The following WDR72 variants were observed in gnomAD, a reference collection of about 807,000 sequenced individuals.
The protein encoded by WDR72 is WD repeat domain 72.
A neutral mutation model predicts 124.2 loss-of-function variants in WDR72; 120 were observed. That is an observed-to-expected ratio of 0.97 (90% CI 0.83 to 1.12). The LOEUF is 1.12. WDR72 is among the 50% of genes most tolerant of loss of function. WDR72 has a pLI of 0.00. For synonymous variants in WDR72, 452 were observed against 441.7 expected, an observed-to-expected ratio of 1.02 and a Z score of -0.29; for missense variants, 1,387 against 1,278.8, an observed-to-expected ratio of 1.08 and a Z score of -1.29.
chr15:53,686,869 C>A (rs545467914), intron 13 of WDR72, among the ~76,000 whole-genome samples: 6 of 151,724 alleles, frequency 4.0e-5, no homozygotes, highest in Non-Finnish European at 8.8e-5. Context: ...GTCTCTCAGA[C>A]CACAGTGCAA....
chr15:53,712,134 C>T (rs1168370028), intron 7 of WDR72, among the ~76,000 whole-genome samples: 1 of 152,060 alleles, frequency 6.6e-6, no homozygotes, highest in Non-Finnish European at 1.5e-5. Flanking sequence ...AATGTAAACA[C>T]CAAATTTTGA....
chr15:53,602,457 C>G (rs571150560), intron 17 of WDR72, among the ~76,000 whole-genome samples: 14 of 151,714 alleles, frequency 9.2e-5, no homozygotes, highest in Non-Finnish European at 1.8e-4. Flanking sequence ...AATCCCAAAG[C>G]CAGCAGAAGA....
chr15:53,618,748 T>A (rs2013868388), intron 14 of WDR72, among the ~76,000 whole-genome samples: 1 of 152,030 alleles, frequency 6.6e-6, no homozygotes, highest in Admixed American at 6.6e-5. Flanking sequence ...TAGGTGTGGA[T>A]GTTTTCCCCC....
At chr15:53,536,797 T>C (rs1047676747) in intron 18 of WDR72, among the ~76,000 whole-genome samples, 1 of 152,180 alleles carries the variant, frequency 6.6e-6, no homozygotes, top group African/African-American at 2.4e-5. Context: ...TTAGTACTTA[T>C]AAGGTTAAAC....
At chr15:53,554,321 C>T (rs1893846930) in intron 18 of WDR72, among the ~76,000 whole-genome samples, 1 of 151,376 alleles carries the variant, frequency 6.6e-6, no homozygotes. Flanking sequence ...TGTTATTTAC[C>T]ATAAATTGGA....
In WDR72 at chr15:53,613,680, C is replaced by A. The variant is rs1317095423; in HGVS notation, c.2858G>T (p.Ser953Ile). 3 of 1,609,762 alleles carry A rather than the reference C, an allele frequency of 1.9e-6. No homozygotes were observed. Among genetic ancestry groups the A allele is most frequent in the Non-Finnish European group, 2.5e-6 (3 of 1,177,514 alleles). The change falls in exon 16 of 20, where the codon AGT (serine) becomes ATT (isoleucine). Residue 953 changes from serine (S) to isoleucine (I), a missense_variant. Physicochemically the swap from Ser to Ile is moderately radical, Grantham distance 142. Coordinates refer to ENST00000360509, the MANE Select transcript of WDR72 (RefSeq NM_182758.4). ...NDILNMSSFY[S>I]CLRNGKNESH... Reference sequence around the variant, plus strand: ...AACTCTCTTACCATTTCGTAAGCAACTGTAGAAGCTTGACATATTTAAAAT... The same window carrying A: ...AACTCTCTTACCATTTCGTAAGCAAATGTAGAAGCTTGACATATTTAAAAT...
At chr15:53,610,575 T>TAC (rs1327004435) in intron 16 of WDR72, among the ~76,000 whole-genome samples, 1 of 113,394 alleles carries the variant, frequency 8.8e-6, no homozygotes, top group African/African-American at 5.0e-5. Flanking sequence ...ATATGAGGTA[T>TAC]ATATATATAT....
chr15:53,684,862 C>A (rs1227561113), intron 13 of WDR72, among the ~76,000 whole-genome samples: 1 of 152,214 alleles, frequency 6.6e-6, no homozygotes, highest in Non-Finnish European at 1.5e-5. Context: ...AGCTGGAGAT[C>A]TGAGAAGGGC....
chr15:53,708,176 CTG>C (rs1465685086), intron 9 of WDR72, among the ~76,000 whole-genome samples: 4 of 152,174 alleles, frequency 2.6e-5, no homozygotes, highest in Admixed American at 2.6e-4. Context: ...TTTTTCATCA[CTG>C]TGTCCATCAT....
chr15:53,745,414 G>T (rs2140887036), intron 1 of WDR72, among the ~76,000 whole-genome samples: 1 of 152,050 alleles, frequency 6.6e-6, no homozygotes, highest in East Asian at 1.9e-4. Context: ...AAAATACTGT[G>T]GCTATATGCT....
chr15:53,576,984 G>A (rs567686225), intron 18 of WDR72, among the ~76,000 whole-genome samples: 2 of 152,238 alleles, frequency 1.3e-5, no homozygotes, highest in African/African-American at 4.8e-5. Context: ...TAAGGGATCA[G>A]TTTGAACCTT....
intron 2 of WDR72, among the ~76,000 whole-genome samples, chr15:53,723,404 A>C (rs939431570): frequency 6.6e-6 from 1 of 152,224 alleles, no homozygotes; most frequent in Non-Finnish European, 1.5e-5. Flanking sequence ...TAAAAATAAA[A>C]ATAGAACTTA....
At chr15:53,752,247 T>C (rs2018792618) in intron 1 of WDR72, among the ~76,000 whole-genome samples, 3 of 152,226 alleles carry the variant, frequency 2.0e-5, no homozygotes, top group Non-Finnish European at 2.9e-5. Context: ...ATGAGTTGAA[T>C]TGAGCCTATC....
intron 17 of WDR72, among the ~76,000 whole-genome samples, chr15:53,601,958 A>G (rs2013063540): frequency 6.6e-6 from 1 of 152,192 alleles, no homozygotes; most frequent in African/African-American, 2.4e-5. Flanking sequence ...TAACAAAGCT[A>G]TTCAGGACCT....
At chr15:53,577,381 T>C (rs1409921943) in intron 18 of WDR72, among the ~76,000 whole-genome samples, 2 of 152,100 alleles carry the variant, frequency 1.3e-5, no homozygotes, top group Non-Finnish European at 2.9e-5. Context: ...CATCAGAAAA[T>C]AATGTCTTGG....
intron 1 of WDR72, among the ~76,000 whole-genome samples, chr15:53,737,890 GTGACCCTCC>G (rs2018402606): frequency 2.0e-5 from 3 of 152,078 alleles, no homozygotes; most frequent in Admixed American, 1.3e-4. Flanking sequence ...TTATAAAACT[GTGACCCTCC>G]TGGACCACAA....
chr15:53,621,678 A>C (rs2014001360), intron 14 of WDR72, among the ~76,000 whole-genome samples: 1 of 151,982 alleles, frequency 6.6e-6, no homozygotes, highest in Non-Finnish European at 1.5e-5. Flanking sequence ...AAAGACTACA[A>C]GTGTGTGCAG....
At chr15:53,607,100 C>A (rs940192324) in intron 17 of WDR72, among the ~76,000 whole-genome samples, 1 of 152,028 alleles carries the variant, frequency 6.6e-6, no homozygotes, top group Non-Finnish European at 1.5e-5. Flanking sequence ...AGTAAACATT[C>A]ATCGAATCAA....
intron 3 of WDR72, among the ~76,000 whole-genome samples, chr15:53,719,067 T>G (rs1198272309): frequency 6.6e-6 from 1 of 152,130 alleles, no homozygotes; most frequent in Admixed American, 6.5e-5. Flanking sequence ...TCCATACACT[T>G]TCTATCTTTT....
Sources: gnomAD v4.1 joint callset for allele counts (sites outside exome capture counted in the v4.1 genomes callset) on GRCh38, gnomAD v4.1.1 for gene constraint, MANE v1.5 for transcripts, NCBI Gene and HGNC (gene_info 2026-07-23, HGNC 2026-07-21) for gene names.